Variants in TMEM163 observed in about 807,000 individuals in gnomAD.
TMEM163 encodes the protein transmembrane protein 163.
Under a neutral mutation model 29.3 loss-of-function variants are expected in TMEM163, and 17 were observed. The observed-to-expected ratio is 0.58, with a 90% confidence interval of 0.40 to 0.87. The LOEUF is 0.87. Among genes scored for constraint, TMEM163 ranks in the 40% least tolerant of loss-of-function variants. The probability of loss-of-function intolerance (pLI) is 0.00; values close to 1 mark genes in which losing one functional copy is unlikely to be tolerated. For synonymous variants in TMEM163, 157 were observed against 160.6 expected (o/e 0.98, Z 0.17); for missense variants, 303 against 381.5 (o/e 0.79, Z 1.71).
At chr2:134,588,179 T>A (rs888946269) in intron 2 of TMEM163, among the ~76,000 whole-genome samples, 40 of 152,322 alleles carry the variant, frequency 2.6e-4, no homozygotes, top group Admixed American at 2.6e-3. Context: ...CTGGTAGAGC[T>A]GTGAGCAGAT....
intron 2 of TMEM163, among the ~76,000 whole-genome samples, chr2:134,706,459 T>G (rs1684814649): frequency 6.6e-6 from 1 of 152,054 alleles, no homozygotes; most frequent in Non-Finnish European, 1.5e-5. Flanking sequence ...GGAGTGCACA[T>G]GAGTGCCGAA....
intron 5 of TMEM163, among the ~76,000 whole-genome samples, chr2:134,477,569 AG>A (rs1686946257): frequency 6.6e-6 from 1 of 152,246 alleles, no homozygotes; most frequent in Non-Finnish European, 1.5e-5. Flanking sequence ...AGACTCACTG[AG>A]CACCAGTGTA....
intron 5 of TMEM163, among the ~76,000 whole-genome samples, chr2:134,477,047 C>T (rs1220267142): frequency 3.3e-5 from 5 of 152,192 alleles, no homozygotes; most frequent in Admixed American, 6.5e-5. Flanking sequence ...ACCACACCTA[C>T]GTTTAGCACT....
At chr2:134,524,675 C>T (rs1187083517) in intron 4 of TMEM163, among the ~76,000 whole-genome samples, 2 of 150,214 alleles carry the variant, frequency 1.3e-5, no homozygotes, top group Non-Finnish European at 3.0e-5. Context: ...CAGTTCCATC[C>T]ATGTCCCTGC....
At chr2:134,679,719 G>A (rs959026501) in intron 2 of TMEM163, among the ~76,000 whole-genome samples, 3 of 152,160 alleles carry the variant, frequency 2.0e-5, no homozygotes, top group Non-Finnish European at 4.4e-5. Context: ...CCAAAGAGAC[G>A]CAGAGATACT....
intron 4 of TMEM163, among the ~76,000 whole-genome samples, chr2:134,514,171 G>T (rs1680006078): frequency 6.6e-6 from 1 of 152,176 alleles, no homozygotes; most frequent in Non-Finnish European, 1.5e-5. Context: ...GTGGAGGGGG[G>T]CTATGGTTGT....
intron 4 of TMEM163, among the ~76,000 whole-genome samples, chr2:134,523,120 GT>G (rs1485753104): frequency 2.0e-5 from 3 of 152,198 alleles, no homozygotes; most frequent in Non-Finnish European, 4.4e-5. Context: ...TGAAACGTGT[GT>G]ACACAGTAAT....
chr2:134,516,217 G>T (rs895446643), intron 4 of TMEM163, among the ~76,000 whole-genome samples: 3 of 152,048 alleles, frequency 2.0e-5, no homozygotes, highest in Non-Finnish European at 4.4e-5. Flanking sequence ...AAGATGGGTA[G>T]GCACAGGTCA....
intron 2 of TMEM163, among the ~76,000 whole-genome samples, chr2:134,708,535 C>A (rs1684864934): frequency 6.6e-6 from 1 of 151,714 alleles, no homozygotes; most frequent in South Asian, 2.1e-4. Context: ...GTTCTTAAAT[C>A]TACAGCTGCA....
chr2:134,523,872 A>G (rs1272953497), intron 4 of TMEM163, among the ~76,000 whole-genome samples: 7 of 152,162 alleles, frequency 4.6e-5, no homozygotes, highest in African/African-American at 1.7e-4. Context: ...GATACTTGGC[A>G]CTTTCTGTAG....
At chr2:134,535,635 A>G (rs1212116655) in intron 4 of TMEM163, among the ~76,000 whole-genome samples, 1 of 152,166 alleles carries the variant, frequency 6.6e-6, no homozygotes, top group Non-Finnish European at 1.5e-5. Context: ...AGTATTGTAC[A>G]CTTAATTTAA....
chr2:134,514,305 G>A (rs1223007347), intron 4 of TMEM163, among the ~76,000 whole-genome samples: 3 of 151,680 alleles, frequency 2.0e-5, no homozygotes, highest in African/African-American at 4.8e-5. Flanking sequence ...AAAGTCGGGG[G>A]TGTCAATCTT....
intron 2 of TMEM163, among the ~76,000 whole-genome samples, chr2:134,657,376 A>C (rs559029206): frequency 1.3e-5 from 2 of 152,314 alleles, no homozygotes; most frequent in African/African-American, 4.8e-5. Flanking sequence ...GAAGAAAATC[A>C]CCTCCTTTAC....
At chr2:134,574,371 G>A (rs1419967484) in intron 2 of TMEM163, among the ~76,000 whole-genome samples, 1 of 152,106 alleles carries the variant, frequency 6.6e-6, no homozygotes, top group Non-Finnish European at 1.5e-5. Context: ...ACCAGCCTGG[G>A]CAACATGGCA....
intron 4 of TMEM163, among the ~76,000 whole-genome samples, chr2:134,534,854 C>T (rs538224109): frequency 6.6e-6 from 1 of 152,200 alleles, no homozygotes; most frequent in Non-Finnish European, 1.5e-5. Context: ...AGTCGTCAAC[C>T]CAAACAGCCA....
intron 6 of TMEM163, among the ~76,000 whole-genome samples, chr2:134,465,875 T>C (rs1686659805): frequency 6.6e-6 from 1 of 152,172 alleles, no homozygotes; most frequent in South Asian, 2.1e-4. Flanking sequence ...GCCTCCCTGC[T>C]AGGAGGTCAG....
intron 4 of TMEM163, among the ~76,000 whole-genome samples, chr2:134,516,428 G>A (rs1351491099): frequency 6.6e-6 from 1 of 151,874 alleles, no homozygotes; most frequent in Non-Finnish European, 1.5e-5. Context: ...AGGCGTGGTG[G>A]TGGGTGCCTG....
chr2:134,703,009 T>G (rs919599490), intron 2 of TMEM163, among the ~76,000 whole-genome samples: 1 of 152,162 alleles, frequency 6.6e-6, no homozygotes, highest in Non-Finnish European at 1.5e-5. Flanking sequence ...TTACTGAGAA[T>G]TTTCTATCCA....
intron 2 of TMEM163, among the ~76,000 whole-genome samples, chr2:134,624,746 T>C (rs1010223459): frequency 2.0e-5 from 3 of 151,906 alleles, no homozygotes; most frequent in Non-Finnish European, 4.4e-5. Flanking sequence ...CCGTCTGTAC[T>C]AAAAATACAA....
Sources: gnomAD v4.1 joint callset for allele counts (sites outside exome capture counted in the v4.1 genomes callset) on GRCh38, gnomAD v4.1.1 for gene constraint, MANE v1.5 for transcripts, NCBI Gene and HGNC (gene_info 2026-07-23, HGNC 2026-07-21) for gene names.